ZSWIM5: variants seen among roughly 807,000 people sequenced by gnomAD.
ZSWIM5 encodes the protein zinc finger SWIM-type containing 5, also known as zinc finger SWIM domain-containing protein 5.
A neutral mutation model predicts 119.6 loss-of-function variants in ZSWIM5; 55 were observed. That is an observed-to-expected ratio of 0.46 (90% confidence interval 0.37 to 0.58). The LOEUF is 0.58. Ranked by LOEUF, ZSWIM5 falls within the 20% of genes least tolerant of loss-of-function variation. The pLI, the probability that ZSWIM5 is intolerant of heterozygous loss-of-function variation, is 0.00. For missense variants in ZSWIM5, 1,193 were observed against 1,512.8 expected, an observed-to-expected ratio of 0.79 and a Z score of 3.51; for synonymous variants, 537 against 606.9, an observed-to-expected ratio of 0.88 and a Z score of 1.69.
intron 1 of ZSWIM5, among the ~76,000 whole-genome samples, chr1:45,110,111 C>T (rs779198233): frequency 6.6e-6 from 1 of 152,148 alleles, no homozygotes; most frequent in Non-Finnish European, 1.5e-5. Flanking sequence ...AAACAATCCT[C>T]CCACCTTGGC....
intron 1 of ZSWIM5, among the ~76,000 whole-genome samples, chr1:45,184,170 C>G (rs1646041823): frequency 6.6e-6 from 1 of 152,138 alleles, no homozygotes; most frequent in Non-Finnish European, 1.5e-5. Context: ...TCAACAGATG[C>G]AGAAAAGGCC....
intron 1 of ZSWIM5, among the ~76,000 whole-genome samples, chr1:45,091,927 C>T (rs1645367461): frequency 6.6e-6 from 1 of 151,682 alleles, no homozygotes; most frequent in Non-Finnish European, 1.5e-5. Flanking sequence ...TTGTTCATCA[C>T]TATGTTATAA....
chr1:45,186,019 A>G (rs935128137), intron 1 of ZSWIM5, among the ~76,000 whole-genome samples: 10 of 152,036 alleles, frequency 6.6e-5, no homozygotes, highest in African/African-American at 2.4e-4. Context: ...CAACAATGAT[A>G]GACTGGATTA....
At chr1:45,191,369 G>A (rs559719386) in intron 1 of ZSWIM5, among the ~76,000 whole-genome samples, 170 of 152,328 alleles carry the variant, frequency 1.1e-3, no homozygotes, top group African/African-American at 3.9e-3. Context: ...GCTGTCTGAT[G>A]AAAGCACTTC....
At chr1:45,175,388 T>G (rs537152941) in intron 1 of ZSWIM5, among the ~76,000 whole-genome samples, 4 of 152,234 alleles carry the variant, frequency 2.6e-5, no homozygotes, top group Admixed American at 2.6e-4. Flanking sequence ...AATTAAAGTA[T>G]CTCATGGGAA....
intron 1 of ZSWIM5, among the ~76,000 whole-genome samples, chr1:45,146,849 A>C (rs1448177418): frequency 6.6e-6 from 1 of 152,044 alleles, no homozygotes; most frequent in Non-Finnish European, 1.5e-5. Flanking sequence ...TAACTCCCTG[A>C]TTACCCAGTC....
intron 1 of ZSWIM5, among the ~76,000 whole-genome samples, chr1:45,161,940 C>A (rs1408661242): frequency 6.6e-6 from 1 of 152,180 alleles, no homozygotes; most frequent in Non-Finnish European, 1.5e-5. Flanking sequence ...ATTATCTATT[C>A]AATCCATCTC....
At chr1:45,059,602 A>G (rs1353932179) in intron 3 of ZSWIM5, among the ~76,000 whole-genome samples, 2 of 152,222 alleles carry the variant, frequency 1.3e-5, no homozygotes, top group African/African-American at 4.8e-5. Flanking sequence ...ATGGTTGCAT[A>G]TAACTATGAA....
Position 45,057,867 on chromosome 1 carries a change from C to T in ZSWIM5, c.1252+742G>A, listed in dbSNP as rs901923376. Among the ~76,000 whole-genome samples the T allele has an allele frequency of 2.0e-5, 3 of 152,166 alleles. No individual in the cohort carries two copies. The highest frequency in any genetic ancestry group is 3.4e-3 in the Middle Eastern group (1 of 294). Reference sequence around the variant, plus strand: ...GTTCTAATCTAATCTAAAAGTTTCACGGGGGAATGGACACTACATTGCATT... The same window carrying T: ...GTTCTAATCTAATCTAAAAGTTTCATGGGGGAATGGACACTACATTGCATT... On this transcript the variant is annotated intron_variant, in intron 4 of 13. Coordinates refer to ENST00000359600, the MANE Select transcript of ZSWIM5 (RefSeq NM_020883.2). This position sits in a 1 kb window ranked among gnomAD's most constrained non-coding sequence, Gnocchi z 4.7.
At chr1:45,099,768 C>T (rs1296683336) in intron 1 of ZSWIM5, among the ~76,000 whole-genome samples, 1 of 152,142 alleles carries the variant, frequency 6.6e-6, no homozygotes, top group Non-Finnish European at 1.5e-5. Flanking sequence ...AAACATAATC[C>T]GTCACACAAA....
chr1:45,018,619 G>T lies in ZSWIM5; in HGVS notation c.3393C>A (p.Ser1131Arg). Reference sequence around the variant, plus strand: ...CAATGAACTCTCCATAGTGGCGAGGGCTGATGTGTGTTAGGCGTGAGTGTG... The same window carrying T: ...CAATGAACTCTCCATAGTGGCGAGGTCTGATGTGTGTTAGGCGTGAGTGTG... Reference protein sequence around the residue: ...NTTHSRLTHISPRHYGEFIEF... With the variant: ...NTTHSRLTHIRPRHYGEFIEF... Residue 1131 changes from serine (S) to arginine (R), a missense_variant, in exon 14 of 14, where the codon AGC becomes AGA. Ser to Arg is a moderately radical substitution (Grantham distance 110). Transcript: ENST00000359600. The surrounding 1 kb of genome is among the most constrained non-coding windows in gnomAD (Gnocchi z 6.7). 1 of 1,614,238 alleles carries T rather than the reference G, an allele frequency of 6.2e-7. No homozygotes were observed. The highest frequency in any genetic ancestry group is 2.2e-5 in the East Asian group (1 of 44,886).
chr1:45,137,802 T>C (rs113753836), intron 1 of ZSWIM5, among the ~76,000 whole-genome samples: 6 of 152,278 alleles, frequency 3.9e-5, no homozygotes, highest in African/African-American at 1.4e-4. Flanking sequence ...TAAACTATTG[T>C]ATGGAATTTG....
rs79256283 is a variant in ZSWIM5 at position 45,153,471 on chromosome 1, C to T, written c.595+52285G>A. ...TGGTGAGCCAAAATTGTGCCACTGC[C>T]CTCCAATCTGGGCAACAGAGTGAGA... On this transcript the variant is annotated intron_variant, in intron 1 of 13. Transcript: ENST00000359600. Among the ~76,000 whole-genome samples, 527 of 151,092 alleles carry T rather than the reference C, an allele frequency of 3.5e-3. 22 individuals carry two copies. In the East Asian group the frequency reaches 0.083, roughly 24 times the overall value.
rs534599856 is a variant in ZSWIM5, at chr1:45,160,989, A to ATTTTTTTTTTTTTTTTTT, written c.595+44766_595+44767insAAAAAAAAAAAAAAAAAA. On this transcript the variant is annotated intron_variant, in intron 1 of 13. Transcript: ENST00000359600. ...AGCGCCTGCCACCATGCCCGGCTAA[A>ATTTTTTTTTTTTTTTTTT]TTTTTTTTTTTTTTTTTAGTAGAGA... Among the ~76,000 whole-genome samples, 247 of 122,556 alleles carry ATTTTTTTTTTTTTTTTTT rather than the reference A, an allele frequency of 2.0e-3. 11 individuals carry two copies. The highest frequency in any genetic ancestry group is 6.7e-3 in the African/African-American group (221 of 33,024). The allele number at this position is 122,556 out of a possible 152,430, so 80.4% of individuals were successfully genotyped here.
At chr1:45,052,001 ATTTTTTTTT>A (rs5773861) in intron 4 of ZSWIM5, among the ~76,000 whole-genome samples, 4 of 143,260 alleles carry the variant, frequency 2.8e-5, no homozygotes, top group African/African-American at 1.0e-4. Context: ...CTTTCTTGGG[ATTTTTTTTT>A]TTTTTTGAGA....
intron 1 of ZSWIM5, among the ~76,000 whole-genome samples, chr1:45,184,605 A>T (rs1274162262): frequency 1.3e-5 from 2 of 152,118 alleles, no homozygotes; most frequent in African/African-American, 4.8e-5. Flanking sequence ...CACACCAATA[A>T]CAGACAAACA....
chr1:45,056,610 C>CAAA (rs35492318), intron 4 of ZSWIM5, among the ~76,000 whole-genome samples: 2 of 140,760 alleles, frequency 1.4e-5, no homozygotes, highest in Non-Finnish European at 1.5e-5. Flanking sequence ...GACTCTGTCT[C>CAAA]AAAAAAAAAA....
intron 2 of ZSWIM5, among the ~76,000 whole-genome samples, chr1:45,083,266 A>C (rs530058745): frequency 3.9e-5 from 6 of 151,946 alleles, no homozygotes; most frequent in African/African-American, 1.4e-4. Flanking sequence ...TTATTCTTTT[A>C]ATTTTTTTTT....
intron 1 of ZSWIM5, among the ~76,000 whole-genome samples, chr1:45,106,148 C>T (rs1353594672): frequency 1.4e-5 from 2 of 143,170 alleles, no homozygotes; most frequent in African/African-American, 5.3e-5. Context: ...AGGTGAGGGG[C>T]GTCTCTGCCC....
Sources: allele counts gnomAD v4.1 joint callset (sites outside exome capture counted in the v4.1 genomes callset), GRCh38; gene constraint gnomAD v4.1.1; non-coding constraint Gnocchi (gnomAD v3.1); transcripts MANE v1.5; gene names NCBI Gene and HGNC (gene_info 2026-07-23, HGNC 2026-07-21).